The following CDH13 variants were observed in gnomAD, a reference collection of about 807,000 sequenced individuals.
CDH13 encodes cadherin-13.
A neutral mutation model predicts 63.8 loss-of-function variants in CDH13; 24 were observed. The observed-to-expected ratio is 0.38, with a 90% CI of 0.27 to 0.53. The LOEUF (loss-of-function observed/expected upper bound fraction) is 0.53, where lower values mean the gene tolerates loss of function less well. Ranked by LOEUF, CDH13 falls within the 20% of genes least tolerant of loss-of-function variation. The pLI is 0.85. For synonymous variants in CDH13, 503 were observed against 355.3 expected, an observed-to-expected ratio of 1.42 and a Z score of -4.67; for missense variants, 1,049 against 903.1, an observed-to-expected ratio of 1.16 and a Z score of -2.07.
chr16:83,716,932 A>G (rs1598566769), intron 10 of CDH13: 1 of 152,256 alleles, frequency 6.6e-6, no homozygotes. Flanking sequence ...AAATGGGGTA[A>G]CAGCCATTAA....
At chr16:83,050,271 C>A (rs1235864034) in intron 3 of CDH13, among the ~76,000 whole-genome samples, 2 of 152,134 alleles carry the variant, frequency 1.3e-5, no homozygotes, top group African/African-American at 4.8e-5. Flanking sequence ...AATGATAATT[C>A]TATGTTCAAC....
intron 1 of CDH13, among the ~76,000 whole-genome samples, chr16:82,699,178 T>A (rs2030689222): frequency 6.6e-6 from 1 of 152,208 alleles, no homozygotes; most frequent in Non-Finnish European, 1.5e-5. Flanking sequence ...ATAGCTCCCC[T>A]TTCATATGGG....
intron 3 of CDH13, among the ~76,000 whole-genome samples, chr16:83,053,755 C>A (rs527901999): frequency 6.6e-6 from 1 of 152,106 alleles, no homozygotes; most frequent in South Asian, 2.1e-4. Flanking sequence ...ATTTATAGAA[C>A]TATACAGCAG....
chr16:83,353,336 T>C (rs1227160849), intron 6 of CDH13, among the ~76,000 whole-genome samples: 2 of 152,218 alleles, frequency 1.3e-5, no homozygotes, highest in African/African-American at 2.4e-5. Context: ...GTCATAGCCA[T>C]TGGGATTTCC....
chr16:83,643,046 C>T (rs550844073), intron 8 of CDH13, among the ~76,000 whole-genome samples: 1 of 24,960 alleles, frequency 4.0e-5, no homozygotes, highest in East Asian at 1.1e-3. Flanking sequence ...AAAAACCAAA[C>T]ACCGCATATT....
At chr16:83,487,245 G>A (rs989392688) in intron 7 of CDH13, among the ~76,000 whole-genome samples, 3 of 152,166 alleles carry the variant, frequency 2.0e-5, no homozygotes, top group East Asian at 3.8e-4. Context: ...CTGCTCTTTC[G>A]TTTTGCCTGC....
At chr16:83,347,262 T>C (rs1160171849) in intron 6 of CDH13, among the ~76,000 whole-genome samples, 1 of 151,824 alleles carries the variant, frequency 6.6e-6, no homozygotes, top group Non-Finnish European at 1.5e-5. Context: ...TCTCTTGTAT[T>C]TCCATTATGC....
intron 1 of CDH13, among the ~76,000 whole-genome samples, chr16:82,699,959 C>T (rs761264044): frequency 2.6e-5 from 4 of 152,202 alleles, no homozygotes; most frequent in African/African-American, 7.2e-5. Context: ...TGGGCATTTG[C>T]CTGCAAGTTG....
At chr16:83,734,908 T>C (rs1029605370) in intron 10 of CDH13, among the ~76,000 whole-genome samples, 1 of 151,454 alleles carries the variant, frequency 6.6e-6, no homozygotes, top group African/African-American at 2.4e-5. Context: ...CTGGGAGACC[T>C]GATGGTTGGC....
chr16:83,400,914 C>A (rs778488811), intron 6 of CDH13, among the ~76,000 whole-genome samples: 1 of 152,142 alleles, frequency 6.6e-6, no homozygotes, highest in East Asian at 1.9e-4. Context: ...ATAGAAATTG[C>A]TGGTGTTGGC....
intron 2 of CDH13, among the ~76,000 whole-genome samples, chr16:82,912,804 G>A (rs1033699797): frequency 6.6e-5 from 10 of 152,070 alleles, no homozygotes; most frequent in African/African-American, 2.2e-4. Flanking sequence ...TTAGCTGGGC[G>A]TGGTGGCGGG....
chr16:83,061,129 C>G (rs911068924), intron 3 of CDH13, among the ~76,000 whole-genome samples: 2 of 152,342 alleles, frequency 1.3e-5, no homozygotes, highest in Middle Eastern at 3.4e-3. Context: ...ATACCACAGT[C>G]TTTCCCAAAG....
intron 7 of CDH13, among the ~76,000 whole-genome samples, chr16:83,512,842 C>T (rs1457930966): frequency 6.6e-6 from 1 of 151,980 alleles, no homozygotes; most frequent in South Asian, 2.1e-4. Flanking sequence ...CCCCACAAAC[C>T]TCTTGATTTG....
intron 1 of CDH13, among the ~76,000 whole-genome samples, chr16:82,832,862 T>C (rs1195712530): frequency 6.6e-6 from 1 of 152,196 alleles, no homozygotes; most frequent in Non-Finnish European, 1.5e-5. Context: ...CCAAGGAACA[T>C]AGGCAGATTT....
rs4372680 is a variant in CDH13 at position 83,634,798 on chromosome 16, C to A, written c.1101+32204C>A. Among the ~76,000 whole-genome samples, 22 of 152,302 alleles carry A rather than the reference C, an allele frequency of 1.4e-4. No individual in the cohort carries two copies. The East Asian group carries it at 3.7e-3, about 25-fold the overall frequency. On this transcript the variant is annotated intron_variant, in intron 8 of 13. Transcript: ENST00000567109. Reference sequence around the variant, plus strand: ...TCCTTTTGATTGCTGAGTGATATTCCATGGTATGGTATGCCAGAGTTCGTT... The same window carrying A: ...TCCTTTTGATTGCTGAGTGATATTCAATGGTATGGTATGCCAGAGTTCGTT...
chr16:83,464,943 C>T (rs1259395883), intron 6 of CDH13, among the ~76,000 whole-genome samples: 2 of 152,194 alleles, frequency 1.3e-5, no homozygotes, highest in African/African-American at 2.4e-5. Context: ...AGATTTTTTA[C>T]TGTATCTAGC....
intron 1 of CDH13, among the ~76,000 whole-genome samples, chr16:82,795,782 C>G (rs1192571122): frequency 6.6e-6 from 1 of 152,086 alleles, no homozygotes; most frequent in Non-Finnish European, 1.5e-5. Context: ...GGTGCAGTGA[C>G]CCTTCTTTGC....
At chr16:82,928,591 C>A (rs1041527328) in intron 2 of CDH13, among the ~76,000 whole-genome samples, 7 of 152,130 alleles carry the variant, frequency 4.6e-5, no homozygotes, top group African/African-American at 1.4e-4. Flanking sequence ...TCTCTTAAGA[C>A]CTTATCTGGA....
chr16:83,666,043 A>C (rs1913919782), intron 8 of CDH13, among the ~76,000 whole-genome samples: 1 of 152,206 alleles, frequency 6.6e-6, no homozygotes, highest in Admixed American at 6.5e-5. Flanking sequence ...TTGTGTAAAA[A>C]TACGTTTTAT....
Sources: gnomAD v4.1 joint callset for allele counts (sites outside exome capture counted in the v4.1 genomes callset) on GRCh38, gnomAD v4.1.1 for gene constraint, MANE v1.5 for transcripts, NCBI Gene and HGNC (gene_info 2026-07-23, HGNC 2026-07-21) for gene names.